The following EHBP1 variants were observed in gnomAD, a reference collection of about 807,000 sequenced individuals.
EHBP1 encodes EH domain-binding protein 1.
EHBP1 carries 55 observed loss-of-function variants against 144.0 expected under a neutral mutation model. The observed-to-expected ratio is 0.38, with a 90% CI of 0.31 to 0.48. EHBP1 has a LOEUF of 0.48. Among genes scored for constraint, EHBP1 ranks in the 20% least tolerant of loss-of-function variants. The pLI is 0.98. For synonymous variants in EHBP1, 469 were observed against 472.7 expected (o/e 0.99, Z 0.10); for missense variants, 1,200 against 1,364.2 (o/e 0.88, Z 1.90).
At chr2:62,952,133 A>G (rs1033669670) in intron 13 of EHBP1, among the ~76,000 whole-genome samples, 6 of 152,196 alleles carry the variant, frequency 3.9e-5, no homozygotes, top group Admixed American at 2.0e-4. Context: ...TCATAGCTCC[A>G]TGTATGTTTT....
At chr2:62,673,878 A>T in exon 1 of EHBP1, 9 of 373,926 alleles carry the variant, frequency 2.4e-5, no homozygotes, top group Non-Finnish European at 5.3e-6. Context: ...GTTTGTGGGT[A>T]ACATCTGACT....
At chr2:62,923,543 A>G (rs1246306951) in intron 10 of EHBP1, among the ~76,000 whole-genome samples, 1 of 152,150 alleles carries the variant, frequency 6.6e-6, no homozygotes, top group African/African-American at 2.4e-5. Flanking sequence ...CCTGGCAGAA[A>G]CACTCCCAGG....
intron 9 of EHBP1, among the ~76,000 whole-genome samples, chr2:62,873,276 T>C (rs2050629688): frequency 6.6e-6 from 1 of 152,198 alleles, no homozygotes; most frequent in Admixed American, 6.5e-5. Context: ...TAAGTATGTT[T>C]AAATGATTAG....
intron 3 of EHBP1, among the ~76,000 whole-genome samples, chr2:62,763,635 C>T (rs1237707684): frequency 6.6e-6 from 1 of 152,080 alleles, no homozygotes; most frequent in Non-Finnish European, 1.5e-5. Flanking sequence ...ACTAGAAGTT[C>T]CACAAAGGAA....
At chr2:62,691,643 C>G (rs1484771198) in intron 1 of EHBP1, among the ~76,000 whole-genome samples, 1 of 152,206 alleles carries the variant, frequency 6.6e-6, no homozygotes, top group Non-Finnish European at 1.5e-5. Context: ...TGAAAATCCT[C>G]TAATCCACTA....
chr2:62,840,680 G>T (rs529902398), intron 7 of EHBP1, among the ~76,000 whole-genome samples: 1 of 151,200 alleles, frequency 6.6e-6, no homozygotes, highest in African/African-American at 2.4e-5. Context: ...GTGGGCGAAG[G>T]ACATGAACAG....
intron 4 of EHBP1, among the ~76,000 whole-genome samples, chr2:62,770,797 T>G (rs940382060): frequency 6.6e-6 from 1 of 152,238 alleles, no homozygotes; most frequent in Non-Finnish European, 1.5e-5. Context: ...ATGTTGTATA[T>G]GTATACAGTG....
At chr2:62,787,297 A>G (rs2042873426) in intron 5 of EHBP1, among the ~76,000 whole-genome samples, 1 of 152,054 alleles carries the variant, frequency 6.6e-6, no homozygotes, top group Non-Finnish European at 1.5e-5. Flanking sequence ...TAAATATACT[A>G]TGCAGGAAAA....
At chr2:62,902,694 TA>T (rs2053510621) in intron 10 of EHBP1, among the ~76,000 whole-genome samples, 1 of 152,194 alleles carries the variant, frequency 6.6e-6, no homozygotes, top group South Asian at 2.1e-4. Context: ...TGTTAGGTTA[TA>T]AATGAAAAGT....
At chr2:62,931,271 G>A (rs926291948) in intron 10 of EHBP1, among the ~76,000 whole-genome samples, 3 of 152,136 alleles carry the variant, frequency 2.0e-5, no homozygotes, top group Admixed American at 2.0e-4. Context: ...TATATGAAAA[G>A]ATGCTCGACA....
chr2:62,775,887 C>T (rs1459117864), intron 5 of EHBP1, among the ~76,000 whole-genome samples: 1 of 152,114 alleles, frequency 6.6e-6, no homozygotes, highest in Non-Finnish European at 1.5e-5. Flanking sequence ...GCCCTTAACC[C>T]CTACTGCAAT....
At chr2:62,923,730 A>G (rs2055272846) in intron 10 of EHBP1, among the ~76,000 whole-genome samples, 1 of 152,172 alleles carries the variant, frequency 6.6e-6, no homozygotes, top group Non-Finnish European at 1.5e-5. Flanking sequence ...CTATGACCCA[A>G]GAAACACTCC....
intron 10 of EHBP1, among the ~76,000 whole-genome samples, chr2:62,910,811 T>G (rs867684675): frequency 1.3e-5 from 2 of 152,202 alleles, no homozygotes; most frequent in African/African-American, 4.8e-5. Context: ...ATATAAACTT[T>G]AGATGAGTTA....
chr2:62,773,722 G>A (rs2041838970), intron 5 of EHBP1, among the ~76,000 whole-genome samples: 1 of 151,304 alleles, frequency 6.6e-6, no homozygotes, highest in Non-Finnish European at 1.5e-5. Context: ...TTGGTGGCGT[G>A]CGCCTGTAAT....
At chr2:62,962,122 C>T (rs1340997268) in intron 14 of EHBP1, among the ~76,000 whole-genome samples, 1 of 152,040 alleles carries the variant, frequency 6.6e-6, no homozygotes, top group Non-Finnish European at 1.5e-5. Context: ...TTCAGGAGTT[C>T]GAGACTAGCC....
At chr2:62,915,360 A>C (rs1230197254) in intron 10 of EHBP1, among the ~76,000 whole-genome samples, 1 of 152,160 alleles carries the variant, frequency 6.6e-6, no homozygotes, top group African/African-American at 2.4e-5. Flanking sequence ...AATCGGTAGT[A>C]TATCTCACTT....
At chr2:63,013,969 G>A (rs2060379633) in intron 19 of EHBP1, among the ~76,000 whole-genome samples, 1 of 152,206 alleles carries the variant, frequency 6.6e-6, no homozygotes, top group Non-Finnish European at 1.5e-5. Context: ...GATAAAAGAT[G>A]AATGATTCTG....
At chr2:62,824,079 G>A (rs2046172316) in intron 5 of EHBP1, among the ~76,000 whole-genome samples, 1 of 151,910 alleles carries the variant, frequency 6.6e-6, no homozygotes, top group Admixed American at 6.6e-5. Context: ...ATGAACCTGA[G>A]TTCAGCAGAA....
chr2:63,009,064 A>G (rs1293225562), intron 19 of EHBP1, among the ~76,000 whole-genome samples: 1 of 151,670 alleles, frequency 6.6e-6, no homozygotes, highest in African/African-American at 2.4e-5. Flanking sequence ...GTCTGTATTC[A>G]CTTGCAAAAT....
Sources: allele counts gnomAD v4.1 joint callset (sites outside exome capture counted in the v4.1 genomes callset), GRCh38; gene constraint gnomAD v4.1.1; transcripts MANE v1.5; gene names NCBI Gene and HGNC (gene_info 2026-07-23, HGNC 2026-07-21).